The following GMDS variants were observed in gnomAD, a reference collection of about 807,000 sequenced individuals.
The protein encoded by GMDS is GDP-mannose 4,6-dehydratase.
A neutral mutation model predicts 49.9 loss-of-function variants in GMDS; 20 were observed. The observed-to-expected ratio is 0.40, with a 90% CI of 0.28 to 0.58. The LOEUF (loss-of-function observed/expected upper bound fraction) is 0.58, where lower values mean the gene tolerates loss of function less well. Ranked by LOEUF, GMDS falls within the 20% of genes least tolerant of loss-of-function variation. The probability of loss-of-function intolerance (pLI) is 0.42; values close to 1 mark genes in which losing one functional copy is unlikely to be tolerated. For synonymous variants in GMDS, 177 were observed against 178.6 expected (o/e 0.99, Z 0.07); for missense variants, 362 against 481.4 (o/e 0.75, Z 2.32).
intron 7 of GMDS, among the ~76,000 whole-genome samples, chr6:1,796,641 C>T (rs953627592): frequency 6.6e-6 from 1 of 152,206 alleles, no homozygotes; most frequent in African/African-American, 2.4e-5. Context: ...TCTACATACA[C>T]TTGCTCCATT....
chr6:1,673,970 A>ATTTTTTTTTTTTTTTTTTTT (rs1554106277), intron 9 of GMDS, among the ~76,000 whole-genome samples: 2 of 144,844 alleles, frequency 1.4e-5, no homozygotes. Flanking sequence ...TAGGTTGATT[A>ATTTTTTTTTTTTTTTTTTTT]TTAATAATGC....
chr6:2,242,960 T>G (rs1239786056), intron 1 of GMDS, among the ~76,000 whole-genome samples: 1 of 152,256 alleles, frequency 6.6e-6, no homozygotes. Flanking sequence ...TGGGAGTCAC[T>G]GTCCTGGAAT....
chr6:1,850,519 C>T (rs538822019), intron 7 of GMDS, among the ~76,000 whole-genome samples: 1 of 152,222 alleles, frequency 6.6e-6, no homozygotes, highest in East Asian at 1.9e-4. Context: ...TTAATTTTGC[C>T]TTTGGGTAAA....
intron 1 of GMDS, among the ~76,000 whole-genome samples, chr6:2,244,997 A>C (rs1781795446): frequency 6.6e-6 from 1 of 152,190 alleles, no homozygotes. Flanking sequence ...GAAGCACGAC[A>C]TGGGCTTGGA....
intron 9 of GMDS, among the ~76,000 whole-genome samples, chr6:1,659,659 C>T (rs183836515): frequency 5.3e-5 from 8 of 152,170 alleles, no homozygotes; most frequent in Admixed American, 3.3e-4. Flanking sequence ...TCTCTCACTG[C>T]CCCCCTGCCC....
intron 4 of GMDS, among the ~76,000 whole-genome samples, chr6:2,011,882 T>C (rs1198080051): frequency 6.6e-6 from 1 of 152,210 alleles, no homozygotes; most frequent in Non-Finnish European, 1.5e-5. Context: ...GATTATGCCA[T>C]TGCATTCTTG....
At chr6:1,909,489 C>T (rs992113753) in intron 7 of GMDS, among the ~76,000 whole-genome samples, 6 of 152,190 alleles carry the variant, frequency 3.9e-5, no homozygotes, top group Non-Finnish European at 8.8e-5. Context: ...CTCCGGGTTG[C>T]AACAGGATCT....
At chr6:1,793,283 C>T (rs570501464) in intron 7 of GMDS, among the ~76,000 whole-genome samples, 290 of 152,284 alleles carry the variant, frequency 1.9e-3, no homozygotes, top group Middle Eastern at 3.4e-3. Flanking sequence ...TACTCCAGGA[C>T]GGCTTTAGGA....
At chr6:2,147,364 A>G (rs1199088687) in intron 1 of GMDS, among the ~76,000 whole-genome samples, 10 of 152,130 alleles carry the variant, frequency 6.6e-5, no homozygotes. Flanking sequence ...CCCCACTCAC[A>G]TACACGTTTA....
At chr6:1,857,720 T>C (rs1472003442) in intron 7 of GMDS, among the ~76,000 whole-genome samples, 3 of 152,198 alleles carry the variant, frequency 2.0e-5, no homozygotes, top group Non-Finnish European at 4.4e-5. Flanking sequence ...TCACTATATT[T>C]TTAGCAAGAC....
At chr6:2,237,644 C>G (rs1781424606) in intron 1 of GMDS, among the ~76,000 whole-genome samples, 1 of 151,462 alleles carries the variant, frequency 6.6e-6, no homozygotes, top group African/African-American at 2.4e-5. Flanking sequence ...GCCTCAGCCT[C>G]CCGAGTACTT....
chr6:1,627,332 G>T (rs1762874971), intron 9 of GMDS, among the ~76,000 whole-genome samples: 1 of 152,202 alleles, frequency 6.6e-6, no homozygotes, highest in Non-Finnish European at 1.5e-5. Flanking sequence ...GCCTGTGTGG[G>T]AAAGCGCACA....
intron 7 of GMDS, among the ~76,000 whole-genome samples, chr6:1,900,272 G>A (rs1347668881): frequency 6.6e-6 from 1 of 152,188 alleles, no homozygotes; most frequent in African/African-American, 2.4e-5. Flanking sequence ...GGCAGCTCCT[G>A]AGCAGATGCT....
chr6:1,716,722 C>T (rs6596845), intron 9 of GMDS, among the ~76,000 whole-genome samples: 87 of 152,286 alleles, frequency 5.7e-4, no homozygotes, highest in African/African-American at 2.0e-3. Flanking sequence ...TCTGTTCATG[C>T]GGCTGGTTCA....
intron 4 of GMDS, among the ~76,000 whole-genome samples, chr6:2,058,978 C>T (rs563298238): frequency 1.3e-5 from 2 of 152,150 alleles, no homozygotes; most frequent in African/African-American, 4.8e-5. Context: ...GAGTTCAACA[C>T]CAGCCTGGCC....
intron 7 of GMDS, among the ~76,000 whole-genome samples, chr6:1,744,893 C>T (rs1321245702): frequency 1.3e-5 from 2 of 152,254 alleles, no homozygotes; most frequent in African/African-American, 4.8e-5. Context: ...GGGATCGGGC[C>T]TGCCCTTTGG....
intron 4 of GMDS, among the ~76,000 whole-genome samples, chr6:2,018,092 C>G (rs1445258860): frequency 2.0e-5 from 3 of 152,150 alleles, no homozygotes; most frequent in African/African-American, 7.2e-5. Context: ...ATTTTTGTTT[C>G]TTCATTGAAA....
At chr6:1,877,797 G>A (rs953504364) in intron 7 of GMDS, among the ~76,000 whole-genome samples, 2 of 151,972 alleles carry the variant, frequency 1.3e-5, no homozygotes, top group African/African-American at 4.8e-5. Flanking sequence ...AGGATATGGG[G>A]GTCAGTGGAA....
At chr6:1,856,092 C>T (rs907249394) in intron 7 of GMDS, among the ~76,000 whole-genome samples, 1 of 152,174 alleles carries the variant, frequency 6.6e-6, no homozygotes, top group Non-Finnish European at 1.5e-5. Context: ...GAATCCTTAA[C>T]CTCCCTGTAA....
Sources: allele counts gnomAD v4.1 joint callset (sites outside exome capture counted in the v4.1 genomes callset), GRCh38; gene constraint gnomAD v4.1.1; transcripts MANE v1.5; gene names NCBI Gene and HGNC (gene_info 2026-07-23, HGNC 2026-07-21).